The following PLEKHA2 variants were observed in gnomAD, a reference collection of about 807,000 sequenced individuals.
PLEKHA2 encodes pleckstrin homology domain-containing family A member 2.
In PLEKHA2, 28 loss-of-function variants were observed where a neutral mutation model predicts 53.2. The observed-to-expected ratio is 0.53, with a 90% CI of 0.39 to 0.72. The LOEUF is 0.72. Among genes scored for constraint, PLEKHA2 ranks in the 30% least tolerant of loss-of-function variants. The probability of loss-of-function intolerance (pLI) is 0.00; values close to 1 mark genes in which losing one functional copy is unlikely to be tolerated. For missense variants in PLEKHA2, 426 were observed against 537.9 expected (o/e 0.79, Z 2.06); for synonymous variants, 193 against 196.4 (o/e 0.98, Z 0.14).
Position 38,949,335 on chromosome 8 carries a change from G to A in PLEKHA2, c.346-1515G>A, listed in dbSNP as rs376406129. 2.6e-5 allele frequency among the ~76,000 whole-genome samples: 4 copies of A among 152,202 alleles called. No homozygotes were observed. In the South Asian group the frequency reaches 6.2e-4, roughly 24 times the overall value. On this transcript the variant is annotated intron_variant, in intron 5 of 11. Transcript: ENST00000617275. ...GAGGAAACAGGGCAACAGGAATGAGGATAAGTGACATTTGACCCCTGGCCT... is the reference window on the plus strand; with the variant it reads ...GAGGAAACAGGGCAACAGGAATGAGAATAAGTGACATTTGACCCCTGGCCT...
chr8:38,927,166 T>C (rs1423609334), intron 2 of PLEKHA2, among the ~76,000 whole-genome samples: 1 of 152,214 alleles, frequency 6.6e-6, no homozygotes, highest in Non-Finnish European at 1.5e-5. Flanking sequence ...TTGTTCAATG[T>C]ATTTATTATA....
At chr8:38,916,411 C>T (rs1249316162) in intron 1 of PLEKHA2, among the ~76,000 whole-genome samples, 1 of 152,082 alleles carries the variant, frequency 6.6e-6, no homozygotes, top group African/African-American at 2.4e-5. Flanking sequence ...TTCCCCCCAG[C>T]CCCCCACTAC....
At chr8:38,968,704 T>C (rs1299973092) in intron 11 of PLEKHA2, 35 bp downstream of exon 11, 2 of 1,606,858 alleles carry the variant, frequency 1.2e-6, no homozygotes, top group Non-Finnish European at 1.7e-6. Flanking sequence ...CAGTGTCAAC[T>C]CAGAGATGAA....
intron 1 of PLEKHA2, among the ~76,000 whole-genome samples, chr8:38,907,707 G>A (rs1440953408): frequency 1.3e-5 from 2 of 149,582 alleles, no homozygotes; most frequent in African/African-American, 4.9e-5. Context: ...GCTGCATTGA[G>A]CCATCATTGT....
chr8:38,968,137 AG>A (rs1835174893), intron 10 of PLEKHA2, among the ~76,000 whole-genome samples: 1 of 152,308 alleles, frequency 6.6e-6, no homozygotes, highest in African/African-American at 2.4e-5. Flanking sequence ...TGGAATTGAA[AG>A]TGGGATTATT....
chr8:38,967,499 A>G (rs1835162814), intron 10 of PLEKHA2, among the ~76,000 whole-genome samples: 1 of 152,066 alleles, frequency 6.6e-6, no homozygotes, highest in Non-Finnish European at 1.5e-5. Context: ...TTTTCCCCAC[A>G]TCCTTGTCAG....
At chr8:38,941,919 TG>T (rs1278533201) in intron 3 of PLEKHA2, among the ~76,000 whole-genome samples, 1 of 152,190 alleles carries the variant, frequency 6.6e-6, no homozygotes, top group African/African-American at 2.4e-5. Flanking sequence ...CCCATTTATT[TG>T]GGGCAATATT....
chr8:38,929,789 C>G (rs1307152133), intron 2 of PLEKHA2, among the ~76,000 whole-genome samples: 1 of 152,202 alleles, frequency 6.6e-6, no homozygotes, highest in Non-Finnish European at 1.5e-5. Flanking sequence ...GAAGTCACTT[C>G]CCCCAGTTGA....
chr8:38,969,684 C>G lies in PLEKHA2; in HGVS notation c.1179C>G (p.Pro393=), dbSNP rs373824036. 6.3e-7 allele frequency: 1 copy of G among 1,578,352 alleles called. No individual in the cohort carries two copies. Among genetic ancestry groups the G allele is most frequent in the Non-Finnish European group, 8.6e-7 (1 of 1,162,362 alleles). The change falls in exon 12 of 12, where the codon CCC becomes CCG. Residue 393 remains proline (P), a synonymous_variant. Coordinates refer to ENST00000617275, the MANE Select transcript of PLEKHA2 (RefSeq NM_021623.2). ...PGEGSAPGVL[P]SSRIRHRSEP... is the part of the protein sequence containing the mutation. ...AGGGCAGCGCTCCTGGGGTGCTGCC[C>G]AGCTCCCGGATAAGGCACAGATCGG...
intron 9 of PLEKHA2, among the ~76,000 whole-genome samples, chr8:38,954,403 T>A (rs545235334): frequency 6.6e-6 from 1 of 152,216 alleles, no homozygotes; most frequent in South Asian, 2.1e-4. Flanking sequence ...CATGATGAGA[T>A]CCTTGATTGT....
intron 7 of PLEKHA2, among the ~76,000 whole-genome samples, 160 bp from the exon 8 acceptor site, chr8:38,952,476 T>C (rs1422843712): frequency 6.6e-6 from 1 of 152,196 alleles, no homozygotes; most frequent in African/African-American, 2.4e-5. Context: ...GGCTCCCACC[T>C]GTCAGAGGTG....
intron 9 of PLEKHA2, among the ~76,000 whole-genome samples, chr8:38,953,937 G>A (rs1302886625): frequency 6.6e-6 from 1 of 152,190 alleles, no homozygotes; most frequent in East Asian, 1.9e-4. Flanking sequence ...CCTTCCAAGT[G>A]CCACTTTGCA....
Position 38,945,147 on chromosome 8 carries a change from G to T in PLEKHA2, c.248-977G>T, listed in dbSNP as rs115801297. Among the ~76,000 whole-genome samples the T allele has an allele frequency of 5.0e-3, 758 of 152,252 alleles. 8 individuals carry two copies. The highest frequency in any genetic ancestry group is 0.018 in the African/African-American group (733 of 41,540). On this transcript the variant is annotated intron_variant, in intron 4 of 11. Transcript: ENST00000617275. ...GAATCCATCATCAAATAGTTACTTGGCTCCTACTATGTTCTCACAGCTGTG... is the reference window on the plus strand; with the variant it reads ...GAATCCATCATCAAATAGTTACTTGTCTCCTACTATGTTCTCACAGCTGTG...
intron 2 of PLEKHA2, among the ~76,000 whole-genome samples, chr8:38,918,467 GCACACACGACACACACCAT>G (rs1834106925): frequency 5.6e-5 from 1 of 17,902 alleles, no homozygotes; most frequent in African/African-American, 2.3e-4. Flanking sequence ...ATACACACAT[GCACACACGACACACACCAT>G]ACACACAACC....
intron 10 of PLEKHA2, among the ~76,000 whole-genome samples, 166 bp from the exon 11 acceptor site, chr8:38,968,426 G>A (rs562574029): frequency 6.6e-6 from 1 of 152,264 alleles, no homozygotes; most frequent in Middle Eastern, 3.4e-3. Flanking sequence ...AGATATTGCA[G>A]GGAAAACATG....
At chr8:38,918,233 C>T (rs1252551259) in intron 2 of PLEKHA2, among the ~76,000 whole-genome samples, 163 bp downstream of exon 2, 1 of 145,426 alleles carries the variant, frequency 6.9e-6, no homozygotes, top group African/African-American at 2.6e-5. Context: ...CACACAAATG[C>T]ACATTCACGT....
At chr8:38,918,977 T>G (rs1361908143) in intron 2 of PLEKHA2, among the ~76,000 whole-genome samples, 1 of 152,220 alleles carries the variant, frequency 6.6e-6, no homozygotes, top group Non-Finnish European at 1.5e-5. Flanking sequence ...TTCCTGTTAC[T>G]TCTCTCCAGG....
rs182429448 is a variant in PLEKHA2, at chr8:38,970,408, T to G, written c.*625T>G. 17 of 167,018 alleles carry G rather than the reference T, an allele frequency of 1.0e-4. No individual in the cohort carries two copies. Among genetic ancestry groups the G allele is most frequent in the African/African-American group, 4.0e-4 (17 of 42,080 alleles). The allele number at this position is 167,018 out of a possible 1,614,324, so 10.3% of individuals were successfully genotyped here. A position where few individuals can be genotyped will look rare whatever the true frequency, so the allele number is the denominator to read the frequency against. ...GATACAAAAAGAATCTAGAGAGAGATATATATTTTTAATGAAATAGAAGCT... is the reference window on the plus strand; with the variant it reads ...GATACAAAAAGAATCTAGAGAGAGAGATATATTTTTAATGAAATAGAAGCT... On this transcript the variant is annotated 3_prime_UTR_variant, in exon 12 of 12. Transcript: ENST00000617275.
intron 2 of PLEKHA2, among the ~76,000 whole-genome samples, chr8:38,930,083 A>T (rs1834361956): frequency 6.6e-6 from 1 of 152,222 alleles, no homozygotes; most frequent in African/African-American, 2.4e-5. Context: ...AATAAGCCAT[A>T]TATTTTCCCC....
Sources: allele counts gnomAD v4.1 joint callset (sites outside exome capture counted in the v4.1 genomes callset), GRCh38; gene constraint gnomAD v4.1.1; transcripts MANE v1.5; gene names NCBI Gene and HGNC (gene_info 2026-07-23, HGNC 2026-07-21).